Variants in VAMP4 observed in about 807,000 individuals in gnomAD.
VAMP4 encodes vesicle associated membrane protein 4.
A neutral mutation model predicts 23.5 loss-of-function variants in VAMP4; 19 were observed. The observed-to-expected ratio is 0.81, with a 90% CI of 0.56 to 1.19. The LOEUF is 1.19. VAMP4 is among the 50% of genes most tolerant of loss of function. The probability of loss-of-function intolerance (pLI) is 0.00; values close to 1 mark genes in which losing one functional copy is unlikely to be tolerated. For missense variants in VAMP4, 145 were observed against 168.6 expected (o/e 0.86, Z 0.78); for synonymous variants, 31 against 51.0 (o/e 0.61, Z 1.67).
At chr1:171,727,974 G>C (rs1163766174) in intron 3 of VAMP4, among the ~76,000 whole-genome samples, 1 of 152,164 alleles carries the variant, frequency 6.6e-6, no homozygotes, top group Non-Finnish European at 1.5e-5. Context: ...GCGACAGATG[G>C]TTCATTATTT....
At chr1:171,712,661 C>G (rs763631013) in intron 4 of VAMP4, among the ~76,000 whole-genome samples, 1 of 152,204 alleles carries the variant, frequency 6.6e-6, no homozygotes, top group Admixed American at 6.6e-5. Context: ...CCAAACAAAT[C>G]TGAAAGAACC....
intron 4 of VAMP4, among the ~76,000 whole-genome samples, chr1:171,717,702 G>A (rs1045319261): frequency 1.3e-5 from 2 of 151,834 alleles, no homozygotes; most frequent in Non-Finnish European, 2.9e-5. Flanking sequence ...TCCTTTGAAG[G>A]AGAATCCCAA....
intron 3 of VAMP4, among the ~76,000 whole-genome samples, chr1:171,727,439 G>A (rs890206592): frequency 1.8e-4 from 27 of 152,064 alleles, no homozygotes; most frequent in African/African-American, 6.3e-4. Context: ...CACTAGAATG[G>A]CTAGAATGAA....
rs1430212275 is a variant in VAMP4, at chr1:171,701,604, A to G, written c.*2902T>C. 2 of 152,186 alleles carry G rather than the reference A, an allele frequency of 1.3e-5. No homozygotes were observed. Among genetic ancestry groups the G allele is most frequent in the African/African-American group, 4.8e-5 (2 of 41,464 alleles). The allele number at this position is 152,186 out of a possible 1,614,324, so 9.4% of individuals were successfully genotyped here. A position where few individuals can be genotyped will look rare whatever the true frequency, so the allele number is the denominator to read the frequency against. ...TGCTGAAGTTATAATTTCCTAATAC[A>G]GACTATTGAAATGCACAGAAAGACT... On this transcript the variant is annotated 3_prime_UTR_variant, in exon 8 of 8. Coordinates refer to ENST00000236192, the MANE Select transcript of VAMP4 (RefSeq NM_003762.5).
chr1:171,731,450 G>A (rs1314325231), intron 2 of VAMP4, among the ~76,000 whole-genome samples: 1 of 144,928 alleles, frequency 6.9e-6, no homozygotes, highest in Non-Finnish European at 1.5e-5. Context: ...TGCAACAAAT[G>A]CTATGCAGAG....
At chr1:171,714,228 G>A (rs1046551568) in intron 4 of VAMP4, among the ~76,000 whole-genome samples, 4 of 152,066 alleles carry the variant, frequency 2.6e-5, no homozygotes, top group African/African-American at 9.7e-5. Context: ...GAGATAGTTT[G>A]GTTTACAAAG....
chr1:171,713,718 T>C (rs1240441807), intron 4 of VAMP4, among the ~76,000 whole-genome samples: 1 of 152,072 alleles, frequency 6.6e-6, no homozygotes, highest in African/African-American at 2.4e-5. Flanking sequence ...CCTGTGGTCC[T>C]AGCCACTTGG....
At chr1:171,741,121 G>C (rs2124875162) in intron 1 of VAMP4, among the ~76,000 whole-genome samples, 1 of 152,296 alleles carries the variant, frequency 6.6e-6, no homozygotes, top group African/African-American at 2.4e-5. Flanking sequence ...TCCACATTGA[G>C]GATAGACCAC....
intron 5 of VAMP4, 112 bp downstream of exon 5, chr1:171,710,602 A>G (rs1654819090): frequency 1.4e-6 from 1 of 739,910 alleles, no homozygotes; most frequent in Non-Finnish European, 2.3e-6. Flanking sequence ...CATATACTTA[A>G]GAACCAAATG....
intron 2 of VAMP4, among the ~76,000 whole-genome samples, chr1:171,731,383 T>C (rs1452272811): frequency 6.6e-6 from 1 of 152,142 alleles, no homozygotes; most frequent in Non-Finnish European, 1.5e-5. Context: ...AACCTGCACG[T>C]TGTGCACACG....
At chr1:171,720,088 T>C (rs560057975) in intron 3 of VAMP4, among the ~76,000 whole-genome samples, 2 of 151,876 alleles carry the variant, frequency 1.3e-5, no homozygotes, top group Non-Finnish European at 2.9e-5. Context: ...ATATATCATC[T>C]TGCCTTAGTT....
rs994950116 is a variant in VAMP4 at position 171,703,960 on chromosome 1, T to C, written c.*546A>G. 6.6e-6 allele frequency: 1 copy of C among 152,466 alleles called. No individual in the cohort carries two copies. The highest frequency in any genetic ancestry group is 1.5e-5 in the Non-Finnish European group (1 of 67,900). 9.4% of individuals were successfully genotyped at this position (152,466 alleles called of 1,614,324 possible). On this transcript the variant is annotated 3_prime_UTR_variant, in exon 8 of 8. Transcript: ENST00000236192. Reference sequence around the variant, plus strand: ...ATATTTACTGGAATGTTTTTAGTTATACCTGAGGGCAACAACATTTACAAC... The same window carrying C: ...ATATTTACTGGAATGTTTTTAGTTACACCTGAGGGCAACAACATTTACAAC...
At chr1:171,740,691 C>G (rs1277857546) in intron 1 of VAMP4, among the ~76,000 whole-genome samples, 1 of 152,118 alleles carries the variant, frequency 6.6e-6, no homozygotes, top group Non-Finnish European at 1.5e-5. Context: ...TACTGAAGAA[C>G]TTGTGCTTTT....
At chr1:171,741,718 CCT>C (rs1655929137) in intron 1 of VAMP4, among the ~76,000 whole-genome samples, 190 bp downstream of exon 1, 4 of 152,272 alleles carry the variant, frequency 2.6e-5, no homozygotes, top group Admixed American at 2.6e-4. Flanking sequence ...TCCGCATACC[CCT>C]GTCCTCGTCT....
Position 171,700,903 on chromosome 1 carries a change from A to G in VAMP4, c.*3603T>C, listed in dbSNP as rs1009982207. On this transcript the variant is annotated 3_prime_UTR_variant, in exon 8 of 8. Coordinates refer to ENST00000236192, the MANE Select transcript of VAMP4 (RefSeq NM_003762.5). ...TTTCAATTCCTACTGATTTGTTCCA[A>G]GAAGCTTCTTGGAATAAAACAGAAG... 1 of 152,124 alleles carries G rather than the reference A, an allele frequency of 6.6e-6. No individual in the cohort carries two copies. Among genetic ancestry groups the G allele is most frequent in the African/African-American group, 2.4e-5 (1 of 41,422 alleles). The allele number at this position is 152,124 out of a possible 1,614,324, so 9.4% of individuals were successfully genotyped here. A position where few individuals can be genotyped will look rare whatever the true frequency, so the allele number is the denominator to read the frequency against.
intron 2 of VAMP4, among the ~76,000 whole-genome samples, chr1:171,729,697 C>CTCTGT (rs1655497370): frequency 1.2e-4 from 18 of 151,928 alleles, no homozygotes; most frequent in Admixed American, 1.2e-3. Context: ...TCTTGCTCTG[C>CTCTGT]TGCACAGGCT....
At chr1:171,729,514 A>G (rs369353192) in intron 2 of VAMP4, among the ~76,000 whole-genome samples, 1 of 152,172 alleles carries the variant, frequency 6.6e-6, no homozygotes, top group Non-Finnish European at 1.5e-5. Flanking sequence ...GGAATTTTCC[A>G]TTGTGGCATC....
chr1:171,728,443 A>G, intron 3 of VAMP4, 81 bp downstream of exon 3: 2 of 1,205,038 alleles, frequency 1.7e-6, no homozygotes, highest in East Asian at 5.1e-5. Context: ...CATATCTGTC[A>G]AAATGTATAC....
Position 171,728,531 on chromosome 1 carries a change from A to T in VAMP4, c.106T>A (p.Phe36Ile), listed in dbSNP as rs778190208. The T allele has an allele frequency of 3.2e-6, 5 of 1,541,672 alleles. No homozygotes were observed. The South Asian group carries it at 4.9e-5, about 15-fold the overall frequency. ...LEDDSDEEEDFFLRGPSGPRF... is the reference protein window; with the variant it reads ...LEDDSDEEEDIFLRGPSGPRF... ...CTGTAAAAAAAAACTTACAGAAAAA[A>T]GTCCTCTTCTTCATCTGAATCATCT... is the stretch of plus-strand genomic sequence containing the variant. The change falls in exon 3 of 8, where the codon TTT becomes ATT. Residue 36 changes from phenylalanine (F) to isoleucine (I), a missense_variant. By Grantham distance (21) the Phe-to-Ile change is conservative (BLOSUM62 0). Transcript: ENST00000236192.
Sources: allele counts gnomAD v4.1 joint callset (sites outside exome capture counted in the v4.1 genomes callset), GRCh38; gene constraint gnomAD v4.1.1; transcripts MANE v1.5; gene names NCBI Gene and HGNC (gene_info 2026-07-23, HGNC 2026-07-21).